The following FAM149B1 variants were observed in gnomAD, a reference collection of about 807,000 sequenced individuals.
FAM149B1 encodes primary cilium assembly protein FAM149B1.
Under a neutral mutation model 75.3 loss-of-function variants are expected in FAM149B1, and 56 were observed. The ratio of observed to expected loss-of-function variants is 0.74; its 90% confidence interval spans 0.60 to 0.93. The LOEUF is 0.93. FAM149B1 is among the 40% of genes least tolerant of loss of function. The pLI is 0.00. For missense variants in FAM149B1, 639 were observed against 708.4 expected (o/e 0.90, Z 1.11); for synonymous variants, 259 against 256.1 (o/e 1.01, Z -0.11).
At chr10:73,236,502 C>T (rs2048829619) in intron 12 of FAM149B1, among the ~76,000 whole-genome samples, 1 of 151,474 alleles carries the variant, frequency 6.6e-6, no homozygotes, top group Non-Finnish European at 1.5e-5. Flanking sequence ...CAACCTCTGC[C>T]TACTGGGTTC....
At chr10:73,229,400 C>G (rs191954560) in intron 8 of FAM149B1, among the ~76,000 whole-genome samples, 40 of 152,302 alleles carry the variant, frequency 2.6e-4, no homozygotes, top group Non-Finnish European at 4.1e-4. Flanking sequence ...TTTGGTGAAA[C>G]CTCATCTATA....
At chr10:73,181,180 G>GT (rs1355480125) in intron 3 of FAM149B1, among the ~76,000 whole-genome samples, 17 of 151,438 alleles carry the variant, frequency 1.1e-4, no homozygotes, top group African/African-American at 3.2e-4. Context: ...CTAATTTTTT[G>GT]TATTTTTTTT....
intron 4 of FAM149B1, 124 bp from the exon 5 acceptor site, chr10:73,193,353 A>C (rs1376898598): frequency 2.6e-6 from 2 of 768,768 alleles, no homozygotes; most frequent in Non-Finnish European, 3.9e-6. Context: ...TCTCATTCTT[A>C]ATCAGTATCA....
At chr10:73,212,865 T>TTCTCTCTCTCTCTC (rs57783137) in intron 7 of FAM149B1, among the ~76,000 whole-genome samples, 108 of 150,904 alleles carry the variant, frequency 7.2e-4, no homozygotes, top group South Asian at 1.5e-3. Flanking sequence ...CTCTCTGTGT[T>TTCTCTCTCTCTCTC]TCTCTCTCTC....
chr10:73,222,496 A>G (rs1162750717), intron 7 of FAM149B1, among the ~76,000 whole-genome samples: 1 of 151,988 alleles, frequency 6.6e-6, no homozygotes, highest in East Asian at 1.9e-4. Context: ...TGCTCAAATG[A>G]TGCCCCACCC....
intron 9 of FAM149B1, among the ~76,000 whole-genome samples, chr10:73,231,639 AGT>A (rs1491516422): frequency 0.15 from 23,314 of 152,140 alleles, 2,920 homozygotes; most frequent in African/African-American, 0.32. Flanking sequence ...CTATTTTGGG[AGT>A]GAAATTTAAG....
intron 7 of FAM149B1, among the ~76,000 whole-genome samples, chr10:73,212,668 G>C (rs2043209692): frequency 6.6e-6 from 1 of 152,106 alleles, no homozygotes; most frequent in African/African-American, 2.4e-5. Context: ...TTAGTTCTTT[G>C]AGAAATCTCC....
chr10:73,210,175 G>T, intron 6 of FAM149B1, 76 bp from the exon 7 acceptor site: 5 of 970,668 alleles, frequency 5.2e-6, no homozygotes, highest in Admixed American at 2.6e-5. Flanking sequence ...GAATTTTCAG[G>T]TAATACACAG....
chr10:73,240,479 A>G (rs867668465), intron 13 of FAM149B1, among the ~76,000 whole-genome samples: 34 of 152,288 alleles, frequency 2.2e-4, no homozygotes, highest in Middle Eastern at 3.4e-3. Context: ...TTCGGAGGCC[A>G]AGGCGGGCGG....
chr10:73,172,634 G>T (rs190611152), intron 1 of FAM149B1, among the ~76,000 whole-genome samples: 1 of 152,072 alleles, frequency 6.6e-6, no homozygotes, highest in Non-Finnish European at 1.5e-5. Flanking sequence ...AAAGTCTACC[G>T]CAGATTACTA....
At chr10:73,185,835 C>G (rs1191495412) in intron 3 of FAM149B1, among the ~76,000 whole-genome samples, 1 of 152,046 alleles carries the variant, frequency 6.6e-6, no homozygotes, top group Non-Finnish European at 1.5e-5. Context: ...GGTGCAAGAT[C>G]AATATGTAAA....
At chr10:73,208,220 G>C (rs2043110560) in intron 5 of FAM149B1, among the ~76,000 whole-genome samples, 2 of 152,208 alleles carry the variant, frequency 1.3e-5, no homozygotes, top group African/African-American at 4.8e-5. Flanking sequence ...TCCCCCATGA[G>C]TAAAAGCTTT....
rs1234913133 is a variant in FAM149B1 at position 73,241,535 on chromosome 10, A to G, written c.*516A>G. On this transcript the variant is annotated 3_prime_UTR_variant, in exon 14 of 14. Coordinates refer to ENST00000242505, the MANE Select transcript of FAM149B1 (RefSeq NM_173348.2). ...CTCTCTTTAGATGTCCTACCCTATC[A>G]GCAGATTAAAATGGAAGGGGTGTGT... The G allele has an allele frequency of 6.4e-6, 1 of 157,376 alleles. No individual in the cohort carries two copies. The allele number at this position is 157,376 out of a possible 1,614,324, so 9.7% of individuals were successfully genotyped here.
At chr10:73,211,876 G>A (rs952231270) in intron 7 of FAM149B1, among the ~76,000 whole-genome samples, 11 of 151,994 alleles carry the variant, frequency 7.2e-5, no homozygotes, top group Admixed American at 7.2e-4. Context: ...ACCTCAGGTG[G>A]TACACTAAAA....
intron 5 of FAM149B1, among the ~76,000 whole-genome samples, chr10:73,198,138 G>A (rs3998311): frequency 0.15 from 23,457 of 152,174 alleles, 2,966 homozygotes; most frequent in African/African-American, 0.32. Context: ...TGGTGTTAGG[G>A]AAACTGGACA....
intron 5 of FAM149B1, among the ~76,000 whole-genome samples, chr10:73,195,404 TAA>T (rs989905065): frequency 6.6e-6 from 1 of 152,214 alleles, no homozygotes; most frequent in African/African-American, 2.4e-5. Context: ...ATTATATCGA[TAA>T]GTTTACTCCT....
At chr10:73,173,873 A>T (rs1171337422) in intron 1 of FAM149B1, among the ~76,000 whole-genome samples, 1 of 152,186 alleles carries the variant, frequency 6.6e-6, no homozygotes, top group Non-Finnish European at 1.5e-5. Context: ...TCTGCATATA[A>T]ATGGGCTCAC....
At chr10:73,211,027 T>A (rs7071414) in intron 7 of FAM149B1, among the ~76,000 whole-genome samples, 23,362 of 151,886 alleles carry the variant, frequency 0.15, 2,944 homozygotes, top group African/African-American at 0.32. Flanking sequence ...TATTGTCAGA[T>A]CCCACAAATT....
intron 6 of FAM149B1, among the ~76,000 whole-genome samples, 163 bp from the exon 7 acceptor site, chr10:73,210,088 C>CT (rs1185623739): frequency 1.3e-5 from 2 of 152,332 alleles, no homozygotes; most frequent in African/African-American, 2.4e-5. Flanking sequence ...TGTCAAATTA[C>CT]TTCTATTTTC....
Sources: allele counts gnomAD v4.1 joint callset (sites outside exome capture counted in the v4.1 genomes callset), GRCh38; gene constraint gnomAD v4.1.1; transcripts MANE v1.5; gene names NCBI Gene and HGNC (gene_info 2026-07-23, HGNC 2026-07-21).